The following POLR2F variants were observed in gnomAD, a reference collection of about 807,000 sequenced individuals.
POLR2F encodes DNA-directed RNA polymerases I, II, and III subunit RPABC2.
In POLR2F, 12 loss-of-function variants were observed where a neutral mutation model predicts 22.7. The ratio of observed to expected loss-of-function variants is 0.53; its 90% CI spans 0.34 to 0.86. POLR2F has a LOEUF of 0.86. Ranked by LOEUF, POLR2F falls within the 40% of genes least tolerant of loss-of-function variation. The probability of loss-of-function intolerance (pLI) is 0.02; values close to 1 mark genes in which losing one functional copy is unlikely to be tolerated. For missense variants in POLR2F, 126 were observed against 171.5 expected (o/e 0.73, Z 1.48); for synonymous variants, 57 against 66.0 (o/e 0.86, Z 0.66).
chr22:38,038,792 C>T (rs529079501), intron 5 of POLR2F, among the ~76,000 whole-genome samples: 1 of 151,774 alleles, frequency 6.6e-6, no homozygotes, highest in African/African-American at 2.4e-5. Context: ...CCTCCTCCCC[C>T]CGCCGGCGCC....
Position 37,967,998 on chromosome 22 carries a change from GGGA to G in POLR2F, c.*285_*287del. 9.2e-7 allele frequency: 1 copy of G among 1,083,734 alleles called. No homozygotes were observed. The highest frequency in any genetic ancestry group is 3.4e-5 in the South Asian group (1 of 29,820). The allele number at this position is 1,083,734 out of a possible 1,614,324, so 67.1% of individuals were successfully genotyped here. On this transcript the variant is annotated 3_prime_UTR_variant, in exon 5 of 5. Coordinates refer to ENST00000442738, the MANE Select transcript of POLR2F (RefSeq NM_021974.5). ...TTCCCCAGAGCAAAGGCTGCTGCAG[GGGA>G]GACACCTCAGCTGCCTTCCAAGCAG...
chr22:38,021,997 G>A (rs951226338), intron 1 of POLR2F, among the ~76,000 whole-genome samples: 5 of 150,094 alleles, frequency 3.3e-5, no homozygotes, highest in Admixed American at 2.0e-4. Context: ...CAGGCTTGGT[G>A]GTGGACGCCT....
At chr22:38,005,619 A>G (rs532908586) in intron 1 of POLR2F, among the ~76,000 whole-genome samples, 1 of 152,318 alleles carries the variant, frequency 6.6e-6, no homozygotes, top group East Asian at 1.9e-4. Context: ...GCAGTTGGTG[A>G]TAGATCGGGT....
downstream of POLR2F, chr22:37,970,550 G>A (rs1932016928): frequency 7.0e-6 from 1 of 142,598 alleles, no homozygotes; most frequent in African/African-American, 2.6e-5. Context: ...GAAGTTGCAG[G>A]GAGCCAAGAT....
rs1416439567 is a variant in POLR2F at position 38,031,792 on chromosome 22, G to A, written c.453-9276G>A. 2.6e-5 allele frequency among the ~76,000 whole-genome samples: 4 copies of A among 151,772 alleles called. No individual in the cohort carries two copies. Among genetic ancestry groups the A allele is most frequent in the South Asian group, 2.1e-4 (1 of 4,784 alleles). On this transcript the variant is annotated intron_variant, in intron 5 of 5. Coordinates refer to the POLR2F transcript ENST00000407936. The surrounding 1 kb of genome is among the most constrained non-coding windows in gnomAD (Gnocchi z 4.1). Reference sequence around the variant, plus strand: ...CTCCCCGCTTCCCTGCCCCATCAACGGCCCCACTGTTCTCCAGTGACCCAG... The same window carrying A: ...CTCCCCGCTTCCCTGCCCCATCAACAGCCCCACTGTTCTCCAGTGACCCAG...
intron 1 of POLR2F, among the ~76,000 whole-genome samples, chr22:38,004,944 C>CA (rs2145803387): frequency 6.8e-6 from 1 of 147,478 alleles, no homozygotes; most frequent in Admixed American, 6.7e-5. Flanking sequence ...AACTCCGTCT[C>CA]AAAAAACAAA....
upstream of POLR2F, among the ~76,000 whole-genome samples, chr22:37,983,027 G>T (rs1342691559): frequency 6.6e-6 from 1 of 152,216 alleles, no homozygotes; most frequent in South Asian, 2.1e-4. The surrounding 1 kb of genome is among the most constrained non-coding windows in gnomAD (Gnocchi z 9.5). Context: ...CATAGTGTGC[G>T]TATCTGTGGG....
In POLR2F at chr22:37,968,434, G is replaced by T; in HGVS notation, c.*719G>T. The T allele has an allele frequency of 1.0e-6, 1 of 985,964 alleles. No individual in the cohort carries two copies. Among genetic ancestry groups the T allele is most frequent in the Non-Finnish European group, 1.2e-6 (1 of 830,262 alleles). 61.1% of individuals were successfully genotyped at this position (985,964 alleles called of 1,614,324 possible). ...CATGCCTTCTTCCTAGCCTCTATAA[G>T]ATATCCTTTCCCTCCTATTTGGGGC... On this transcript the variant is annotated 3_prime_UTR_variant, in exon 5 of 5. Coordinates refer to ENST00000442738, the MANE Select transcript of POLR2F (RefSeq NM_021974.5).
chr22:37,962,701 T>C (rs531630271), intron 3 of POLR2F, among the ~76,000 whole-genome samples: 4 of 152,188 alleles, frequency 2.6e-5, no homozygotes, highest in Admixed American at 6.5e-5. Flanking sequence ...ATTTATTTAA[T>C]TTTTTTTGAG....
chr22:38,005,203 G>A (rs1431136586), intron 1 of POLR2F, among the ~76,000 whole-genome samples: 2 of 152,194 alleles, frequency 1.3e-5, no homozygotes, highest in East Asian at 3.9e-4. Flanking sequence ...AAGTGGTAGG[G>A]GTGTTATTAC....
intron 5 of POLR2F, among the ~76,000 whole-genome samples, chr22:38,039,730 C>G (rs1380202002): frequency 6.6e-6 from 1 of 152,226 alleles, no homozygotes; most frequent in Non-Finnish European, 1.5e-5. Flanking sequence ...GCACAGACAC[C>G]CAGAGAGGAA....
At chr22:38,035,060 C>T (rs942565313) in intron 5 of POLR2F, among the ~76,000 whole-genome samples, 1 of 152,104 alleles carries the variant, frequency 6.6e-6, no homozygotes, top group African/African-American at 2.4e-5. Context: ...CCTGCCCATC[C>T]CTCCATAACA....
chr22:38,030,936 C>T (rs189558232), downstream of POLR2F, among the ~76,000 whole-genome samples: 232 of 152,202 alleles, frequency 1.5e-3, 2 homozygotes, highest in Non-Finnish European at 3.7e-4. Context: ...GTGGGAAAGG[C>T]AGGGTCTGTG....
At chr22:37,970,093 A>C (rs973641294), downstream of POLR2F, among the ~76,000 whole-genome samples, 4 of 152,042 alleles carry the variant, frequency 2.6e-5, no homozygotes. Context: ...GGAGATCAAG[A>C]CCATCCTGGC....
chr22:37,968,778 C>T lies in POLR2F; in HGVS notation c.*1063C>T, dbSNP rs570976518. 5 of 985,522 alleles carry T rather than the reference C, an allele frequency of 5.1e-6. 1 individual carries two copies. The South Asian group carries it at 2.3e-4, about 46-fold the overall frequency. 61.0% of individuals were successfully genotyped at this position (985,522 alleles called of 1,614,324 possible). On this transcript the variant is annotated 3_prime_UTR_variant, in exon 5 of 5. Coordinates refer to ENST00000442738, the MANE Select transcript of POLR2F (RefSeq NM_021974.5). The stretch of plus-strand genomic sequence containing the variant: ...AAGAGGAGGAGCTGGGCTTCCCTAA[C>T]CTCTGCAGGAGGCAGGGCCTCCAGG...
At chr22:37,985,979 A>T, upstream of POLR2F, 1 of 1,002,986 alleles carries the variant, frequency 1.0e-6, no homozygotes, top group Non-Finnish European at 1.4e-6. Context: ...ATCTCCCCCC[A>T]GTTTTCCTCG....
intron 1 of POLR2F, among the ~76,000 whole-genome samples, chr22:37,995,836 T>TTA (rs571380145): frequency 0.019 from 2,648 of 142,630 alleles, 76 homozygotes; most frequent in African/African-American, 0.064. Flanking sequence ...TACTAAAAAT[T>TTA]AAAAAAAAAA....
Position 37,978,705 on chromosome 22 carries a change from A to G in POLR2F, c.293+11535A>G, listed in dbSNP as rs910186957. On this transcript the variant is annotated intron_variant, in intron 4 of 4. Transcript: ENST00000405557. This position sits in a 1 kb window ranked among gnomAD's most constrained non-coding sequence, Gnocchi z 5.0. The stretch of plus-strand genomic sequence containing the variant: ...ACTTGGGTGTGGGATTGGCCAGAAT[A>G]ATGGATGTGAGATGCCTTGCACCAG... Among the ~76,000 whole-genome samples the G allele has an allele frequency of 1.3e-5, 2 of 152,166 alleles. No individual in the cohort carries two copies. The highest frequency in any genetic ancestry group is 2.9e-5 in the Non-Finnish European group (2 of 68,032).
chr22:38,037,592 T>G (rs2085128726), intron 5 of POLR2F, among the ~76,000 whole-genome samples: 1 of 120,634 alleles, frequency 8.3e-6, no homozygotes, highest in Non-Finnish European at 1.7e-5. Flanking sequence ...CCTCTTCCTA[T>G]CTCCTTTTTT....
Sources: gnomAD v4.1 joint callset for allele counts (sites outside exome capture counted in the v4.1 genomes callset) on GRCh38, gnomAD v4.1.1 for gene constraint, Gnocchi (gnomAD v3.1) non-coding constraint, MANE v1.5 for transcripts, NCBI Gene and HGNC (gene_info 2026-07-23, HGNC 2026-07-21) for gene names.